The following MOCOS variants were observed in gnomAD, a reference collection of about 807,000 sequenced individuals.
MOCOS encodes human molybdenum cofactor sulfurase.
In MOCOS, 86 loss-of-function variants were observed where a neutral mutation model predicts 83.6. That is an observed-to-expected ratio of 1.03 (90% CI 0.86 to 1.23). The LOEUF (loss-of-function observed/expected upper bound fraction) is 1.23, where lower values mean the gene tolerates loss of function less well. MOCOS is among the 50% of genes most tolerant of loss of function. MOCOS has a pLI of 0.00. For synonymous variants in MOCOS, 445 were observed against 434.7 expected (o/e 1.02, Z -0.29); for missense variants, 1,120 against 1,126.9 (o/e 0.99, Z 0.09).
intron 9 of MOCOS, among the ~76,000 whole-genome samples, chr18:36,241,877 C>T (rs2091584729): frequency 6.6e-6 from 1 of 152,252 alleles, no homozygotes; most frequent in African/African-American, 2.4e-5. Context: ...CAAGTTGTAC[C>T]TTGGCCCTTT....
At chr18:36,234,204 T>C (rs2091549244) in intron 9 of MOCOS, among the ~76,000 whole-genome samples, 1 of 152,268 alleles carries the variant, frequency 6.6e-6, no homozygotes, top group Non-Finnish European at 1.5e-5. Flanking sequence ...CAGTTGATTT[T>C]TGTATAAGGT....
chr18:36,227,796 G>A (rs987074865), intron 9 of MOCOS, among the ~76,000 whole-genome samples: 1 of 152,128 alleles, frequency 6.6e-6, no homozygotes, highest in South Asian at 2.1e-4. Context: ...TCATAGTGAA[G>A]ACAGCAAAAG....
At chr18:36,192,377 C>T (rs967497056) in intron 1 of MOCOS, among the ~76,000 whole-genome samples, 2 of 151,962 alleles carry the variant, frequency 1.3e-5, no homozygotes, top group African/African-American at 4.8e-5. Flanking sequence ...TAATAAAATA[C>T]ACAGAAAAAA....
chr18:36,193,808 G>C (rs1160912828), intron 1 of MOCOS, among the ~76,000 whole-genome samples: 1 of 152,114 alleles, frequency 6.6e-6, no homozygotes. Context: ...CCCACCAAAT[G>C]AGAGAAAACA....
chr18:36,195,725 TG>T (rs1869237699), intron 2 of MOCOS, among the ~76,000 whole-genome samples: 1 of 152,238 alleles, frequency 6.6e-6, no homozygotes, highest in African/African-American at 2.4e-5. Flanking sequence ...CTATGATGTG[TG>T]GGGGACAGTG....
chr18:36,236,949 G>A (rs1228816344), intron 9 of MOCOS, among the ~76,000 whole-genome samples: 4 of 152,054 alleles, frequency 2.6e-5, no homozygotes, highest in Non-Finnish European at 5.9e-5. Flanking sequence ...TTGTTGGTGT[G>A]TAGGAATGCT....
Position 36,205,871 on chromosome 18 carries a change from C to G in MOCOS, c.1218+595C>G, listed in dbSNP as rs144445658. 9.9e-3 allele frequency among the ~76,000 whole-genome samples: 1,498 copies of G among 151,988 alleles called. 26 individuals carry two copies. Among genetic ancestry groups the G allele is most frequent in the African/African-American group, 0.034 (1,426 of 41,444 alleles). On this transcript the variant is annotated intron_variant, in intron 6 of 14. Transcript: ENST00000261326. Reference sequence around the variant, plus strand: ...TCTCATGCCTCAGCCTTCCGAGTAGCTGGGATTACAGGCACACACCACCAC... The same window carrying G: ...TCTCATGCCTCAGCCTTCCGAGTAGGTGGGATTACAGGCACACACCACCAC...
chr18:36,248,395 G>A (rs893092380), intron 9 of MOCOS, among the ~76,000 whole-genome samples: 1 of 152,024 alleles, frequency 6.6e-6, no homozygotes, highest in Non-Finnish European at 1.5e-5. Flanking sequence ...TCTGTTGGTT[G>A]TCTCTTCATT....
intron 9 of MOCOS, among the ~76,000 whole-genome samples, chr18:36,224,971 A>G (rs2091509912): frequency 6.6e-6 from 1 of 152,002 alleles, no homozygotes; most frequent in Non-Finnish European, 1.5e-5. Context: ...TATTTTGTTC[A>G]TGTTTAGTTT....
At chr18:36,201,705 G>A (rs1234183065) in intron 4 of MOCOS, among the ~76,000 whole-genome samples, 2 of 143,736 alleles carry the variant, frequency 1.4e-5, no homozygotes, top group African/African-American at 2.5e-5. Flanking sequence ...TCCTTTTAGA[G>A]CTAACATGGG....
At chr18:36,219,263 C>A (rs1339258095) in intron 8 of MOCOS, among the ~76,000 whole-genome samples, 2 of 152,028 alleles carry the variant, frequency 1.3e-5, no homozygotes, top group Non-Finnish European at 2.9e-5. Context: ...TCTCGGCTCA[C>A]TGCAACCTCC....
chr18:36,266,564 C>T (rs994119081), intron 13 of MOCOS, among the ~76,000 whole-genome samples, 185 bp from the exon 14 acceptor site: 3 of 152,128 alleles, frequency 2.0e-5, no homozygotes, highest in African/African-American at 2.4e-5. Context: ...CTGCAAAGAC[C>T]TTAAGCAGTG....
chr18:36,260,975 G>T (rs563469877), intron 13 of MOCOS, among the ~76,000 whole-genome samples: 3 of 151,886 alleles, frequency 2.0e-5, no homozygotes, highest in African/African-American at 7.3e-5. Flanking sequence ...CTGACCTGCC[G>T]CAGGGTCACG....
intron 11 of MOCOS, among the ~76,000 whole-genome samples, chr18:36,253,068 C>T (rs2091627894): frequency 6.6e-6 from 1 of 152,122 alleles, no homozygotes; most frequent in African/African-American, 2.4e-5. Context: ...TAGGATTTGT[C>T]AGGACCTGTG....
In MOCOS at chr18:36,220,355, A is replaced by T. The variant is rs2091491695; in HGVS notation, c.1960+138A>T. On this transcript the variant is annotated intron_variant, in intron 9 of 14. Transcript: ENST00000261326. The stretch of plus-strand genomic sequence containing the variant: ...ACCTCATCTCTACAAAAAAAAAAAA[A>T]AAATTATCCTGGGTGTGGGAGCACG... 7 of 1,234,116 alleles carry T rather than the reference A, an allele frequency of 5.7e-6. No homozygotes were observed. In the South Asian group the frequency reaches 9.7e-5, roughly 17 times the overall value. The allele number at this position is 1,234,116 out of a possible 1,614,324, so 76.4% of individuals were successfully genotyped here.
chr18:36,201,528 G>C (rs1020085650), intron 4 of MOCOS, among the ~76,000 whole-genome samples: 1 of 151,846 alleles, frequency 6.6e-6, no homozygotes, highest in South Asian at 2.1e-4. Flanking sequence ...TGAGTGTGGT[G>C]GTGGGTGCTT....
At chr18:36,227,372 C>A (rs1745730600) in intron 9 of MOCOS, among the ~76,000 whole-genome samples, 1 of 151,710 alleles carries the variant, frequency 6.6e-6, no homozygotes, top group South Asian at 2.1e-4. Flanking sequence ...GCTGGGACTA[C>A]TGATATGTGC....
intron 14 of MOCOS, among the ~76,000 whole-genome samples, chr18:36,268,123 A>G (rs934392879): frequency 2.6e-5 from 4 of 152,254 alleles, no homozygotes; most frequent in South Asian, 2.1e-4. Flanking sequence ...ATTAACTTGC[A>G]TCATTCTTTC....
At chr18:36,187,986 C>T (rs932665564) in intron 1 of MOCOS, among the ~76,000 whole-genome samples, 1 of 152,216 alleles carries the variant, frequency 6.6e-6, no homozygotes, top group Non-Finnish European at 1.5e-5. Context: ...TTGCGGGAGA[C>T]CCCTCACTGT....
Sources: gnomAD v4.1 joint callset for allele counts (sites outside exome capture counted in the v4.1 genomes callset) on GRCh38, gnomAD v4.1.1 for gene constraint, MANE v1.5 for transcripts, NCBI Gene and HGNC (gene_info 2026-07-23, HGNC 2026-07-21) for gene names.